NOS2: variants seen among roughly 807,000 people sequenced by gnomAD.
The protein encoded by NOS2 is nitric oxide synthase 2.
In NOS2, 96 loss-of-function variants were observed where a neutral mutation model predicts 136.0. That is an observed-to-expected ratio of 0.71 (90% CI 0.60 to 0.84). The LOEUF (loss-of-function observed/expected upper bound fraction) is 0.84, where lower values mean the gene tolerates loss of function less well. Among genes scored for constraint, NOS2 ranks in the 40% least tolerant of loss-of-function variants. The pLI is 0.00. For synonymous variants in NOS2, 539 were observed against 587.5 expected (o/e 0.92, Z 1.20); for missense variants, 1,237 against 1,496.9 (o/e 0.83, Z 2.87).
At chr17:27,775,417 G>A (rs1236625457) in intron 11 of NOS2, among the ~76,000 whole-genome samples, 2 of 152,112 alleles carry the variant, frequency 1.3e-5, no homozygotes, top group African/African-American at 2.4e-5. Flanking sequence ...GACCAACATG[G>A]TGAAACCCCG....
intron 6 of NOS2, 110 bp from the exon 7 acceptor site, chr17:27,782,216 A>T: frequency 1.1e-6 from 1 of 882,490 alleles, no homozygotes; most frequent in Non-Finnish European, 1.8e-6. Flanking sequence ...CTCAACACAC[A>T]AACACTCAAC....
At chr17:27,783,725 G>A (rs2142519513) in intron 5 of NOS2, among the ~76,000 whole-genome samples, 1 of 152,326 alleles carries the variant, frequency 6.6e-6, no homozygotes, top group South Asian at 2.1e-4. Context: ...GCTCTAGGAG[G>A]TTAAGCACCA....
chr17:27,778,577 G>A, intron 11 of NOS2, 113 bp downstream of exon 11: 1 of 799,378 alleles, frequency 1.3e-6, no homozygotes, highest in African/African-American at 1.7e-5. Context: ...GCCTGTTGCT[G>A]GACCTCTAGA....
chr17:27,781,417 A>G (rs1908846261), intron 7 of NOS2, among the ~76,000 whole-genome samples: 1 of 152,080 alleles, frequency 6.6e-6, no homozygotes, highest in African/African-American at 2.4e-5. Context: ...TCTTTCCCTC[A>G]CTGCCTATGT....
intron 4 of NOS2, 67 bp downstream of exon 4, chr17:27,788,742 T>C: frequency 6.4e-7 from 1 of 1,560,700 alleles, no homozygotes; most frequent in Non-Finnish European, 8.7e-7. Flanking sequence ...ACCTGTTTGA[T>C]CCACAAAGCC....
Position 27,769,573 on chromosome 17 carries a change from T to C in NOS2, c.1821A>G (p.Lys607=), listed in dbSNP as rs1444882738. The change falls in exon 16 of 27, where the codon AAA becomes AAG. Residue 607 remains lysine (K), a synonymous_variant. Transcript: ENST00000313735. ...DCPGNGEKLK[K]SLFMLKELNN... Reference sequence around the variant, plus strand: ...TGAGCTCTTTCAGCATGAAGAGCGATTTCTTCAGTTTCTAGAAAGAGAGGG... The same window carrying C: ...TGAGCTCTTTCAGCATGAAGAGCGACTTCTTCAGTTTCTAGAAAGAGAGGG... The C allele has an allele frequency of 1.2e-6, 2 of 1,612,216 alleles. No homozygotes were observed. Among genetic ancestry groups the C allele is most frequent in the African/African-American group, 2.7e-5 (2 of 74,908 alleles).
At position 27,779,036 on chromosome 17, in the gene NOS2, A is replaced by G; in HGVS notation, c.1025T>C (p.Leu342Pro). The G allele has an allele frequency of 6.5e-7, 1 of 1,547,622 alleles. No individual in the cohort carries two copies. The highest frequency in any genetic ancestry group is 8.7e-7 in the Non-Finnish European group (1 of 1,143,776). ...AGGCAGGGCGTACCACTTTAGCTCC[A>G]GTTCCCGAAACCACTCGTATCTGGC... ...EHPKYEWFRE[L>P]ELKWYALPAV... The change falls in exon 10 of 27, where the codon CTG becomes CCG. Residue 342 changes from leucine to proline, a missense_variant. By Grantham distance (98) the Leu-to-Pro change is moderately conservative (BLOSUM62 -3). This residue lies in a region of NOS2 where 440 missense variants were observed against 545.4 expected (regional missense o/e 0.81). Transcript: ENST00000313735.
intron 2 of NOS2, among the ~76,000 whole-genome samples, chr17:27,793,164 T>A (rs1240634668): frequency 9.3e-6 from 1 of 107,236 alleles, no homozygotes; most frequent in African/African-American, 3.7e-5. Context: ...TACCTCGCCT[T>A]ACACCAAGAG....
chr17:27,791,490 G>T (rs377036395), intron 2 of NOS2, among the ~76,000 whole-genome samples: 1 of 152,124 alleles, frequency 6.6e-6, no homozygotes, highest in South Asian at 2.1e-4. Context: ...CAAGAATCCT[G>T]TTAGGTTGGG....
chr17:27,794,525 T>C (rs981043160), intron 2 of NOS2, among the ~76,000 whole-genome samples: 4 of 152,184 alleles, frequency 2.6e-5, no homozygotes, highest in Non-Finnish European at 5.9e-5. Context: ...CTTCTGGCAG[T>C]ATGCAAGCAC....
At chr17:27,784,187 C>T (rs1317194471) in intron 5 of NOS2, among the ~76,000 whole-genome samples, 1 of 146,088 alleles carries the variant, frequency 6.8e-6, no homozygotes, top group African/African-American at 2.6e-5. Flanking sequence ...CAACAACAAC[C>T]TTGAGATTTC....
At chr17:27,777,569 T>G (rs73986057) in intron 11 of NOS2, among the ~76,000 whole-genome samples, 4 of 152,180 alleles carry the variant, frequency 2.6e-5, no homozygotes, top group Non-Finnish European at 5.9e-5. Context: ...AGACAAGGAC[T>G]GAAGACCCAG....
At position 27,781,081 on chromosome 17, in the gene NOS2, T is replaced by A; in HGVS notation, c.819A>T (p.Pro273=). ...QLIRYAGYQM[P]DGSIRGDPAN... The stretch of plus-strand genomic sequence containing the variant: ...CAGGGTCCCCTCTGATGCTGCCATC[T>A]GGCATCTGGTAGCCAGCATAGCGGA... Residue 273 remains proline, a synonymous_variant, in exon 8 of 27, where the codon CCA becomes CCT. Transcript: ENST00000313735. The A allele has an allele frequency of 6.2e-7, 1 of 1,613,878 alleles. No individual in the cohort carries two copies. The highest frequency in any genetic ancestry group is 1.1e-5 in the South Asian group (1 of 91,086).
At chr17:27,770,324 A>G (rs1036768776) in intron 15 of NOS2, among the ~76,000 whole-genome samples, 2 of 152,138 alleles carry the variant, frequency 1.3e-5, no homozygotes, top group Admixed American at 1.3e-4. Context: ...TACTTAAAAA[A>G]AAGAATACAA....
intron 2 of NOS2, among the ~76,000 whole-genome samples, chr17:27,796,971 C>T (rs1205010752): frequency 2.0e-5 from 3 of 152,156 alleles, no homozygotes; most frequent in South Asian, 4.1e-4. Context: ...CTGTCCTGCT[C>T]AAGAACCTAC....
chr17:27,795,977 AT>A (rs1314726354), intron 2 of NOS2, among the ~76,000 whole-genome samples: 6 of 152,126 alleles, frequency 3.9e-5, no homozygotes, highest in Admixed American at 1.3e-4. Flanking sequence ...TGGCAATGCT[AT>A]TAGAGGGTGT....
rs150387129 is a variant in NOS2 at position 27,761,211 on chromosome 17, G to A, written c.2821C>T (p.His941Tyr). 4.5e-5 allele frequency: 72 copies of A among 1,608,616 alleles called. No individual in the cohort carries two copies. In the African/African-American group the frequency reaches 6.0e-4, roughly 13 times the overall value. ...TTGAGCCATGTGCTGCAGACGCCGTGGTGCAGGGGACCCTGGCCATCTGCA... is the reference window on the plus strand; with the variant it reads ...TTGAGCCATGTGCTGCAGACGCCGTAGTGCAGGGGACCCTGGCCATCTGCA... ...HTRDGQGPLH[H>Y]GVCSTWLNSL... The change falls in exon 23 of 27, where the codon CAC becomes TAC. Residue 941 changes from histidine to tyrosine, a missense_variant. Physicochemically the swap from His to Tyr is moderately conservative, Grantham distance 83. Around this residue, in one of 3 missense-constraint regions of NOS2, gnomAD observed 782 missense variants for 909.9 expected, o/e 0.86. Transcript: ENST00000313735.
chr17:27,761,065 A>C (rs1389398666), intron 23 of NOS2, 79 bp downstream of exon 23: 4 of 1,328,296 alleles, frequency 3.0e-6, no homozygotes, highest in Middle Eastern at 2.7e-4. Context: ...CGTCTCCTAA[A>C]CCCCAGATCC....
intron 2 of NOS2, chr17:27,793,752 T>C: frequency 2.6e-6 from 1 of 388,928 alleles, no homozygotes; most frequent in Non-Finnish European, 4.6e-6. Context: ...CGCCCGCGCT[T>C]TATCGCTCGG....
Sources: allele counts gnomAD v4.1 joint callset (sites outside exome capture counted in the v4.1 genomes callset), GRCh38; gene constraint gnomAD v4.1.1; regional missense constraint gnomAD v4.1.1; transcripts MANE v1.5; gene names NCBI Gene and HGNC (gene_info 2026-07-23, HGNC 2026-07-21).